ENTPD1: variants seen among roughly 807,000 people sequenced by gnomAD.
The protein encoded by ENTPD1 is ectonucleoside triphosphate diphosphohydrolase 1.
ENTPD1 carries 33 observed loss-of-function variants against 57.0 expected under a neutral mutation model. The observed-to-expected ratio is 0.58, with a 90% CI of 0.44 to 0.77. ENTPD1 has a LOEUF of 0.77. Ranked by LOEUF, ENTPD1 falls within the 30% of genes least tolerant of loss-of-function variation. ENTPD1 has a pLI of 0.00. For missense variants in ENTPD1, 501 were observed against 603.4 expected, an observed-to-expected ratio of 0.83 and a Z score of 1.78; for synonymous variants, 202 against 218.8, an observed-to-expected ratio of 0.92 and a Z score of 0.68.
intron 9 of ENTPD1, 90 bp downstream of exon 9, chr10:95,864,951 C>CCAAAGAA (rs1455756197): frequency 1.4e-6 from 2 of 1,464,194 alleles, no homozygotes; most frequent in African/African-American, 2.8e-5. Context: ...GGGGAGTCAG[C>CCAAAGAA]ATGGTGTAGC....
chr10:95,799,528 C>A (rs150562781), intron 1 of ENTPD1, among the ~76,000 whole-genome samples: 1,735 of 152,158 alleles, frequency 0.011, 19 homozygotes, highest in Non-Finnish European at 0.014. Flanking sequence ...ACCACATTTT[C>A]TTTATCTGGT....
intron 1 of ENTPD1, among the ~76,000 whole-genome samples, chr10:95,714,548 A>G (rs1469892661): frequency 1.3e-5 from 2 of 152,190 alleles, no homozygotes; most frequent in Non-Finnish European, 2.9e-5. Context: ...GTCTAGCAGT[A>G]AAGAAGCTAA....
intron 1 of ENTPD1, among the ~76,000 whole-genome samples, chr10:95,816,319 G>A (rs143143599): frequency 2.1e-4 from 32 of 152,246 alleles, no homozygotes; most frequent in Admixed American, 5.9e-4. Context: ...ATGTAACAGC[G>A]CAACATTTAC....
intron 7 of ENTPD1, among the ~76,000 whole-genome samples, chr10:95,851,686 T>A (rs1238807844): frequency 6.6e-6 from 1 of 151,640 alleles, no homozygotes; most frequent in Admixed American, 6.6e-5. Flanking sequence ...AGTGTTTGTT[T>A]TTTTGTCCCT....
chr10:95,712,840 C>G (rs2097967159), intron 1 of ENTPD1, among the ~76,000 whole-genome samples: 3 of 152,156 alleles, frequency 2.0e-5, no homozygotes, highest in Non-Finnish European at 4.4e-5. Context: ...CGAGACCATC[C>G]TGGCTAACAC....
Position 95,874,763 on chromosome 10 carries a change from C to T in ENTPD1, c.*8380C>T, listed in dbSNP as rs552179085. Among the ~76,000 whole-genome samples, 3 of 152,356 alleles carry T rather than the reference C, an allele frequency of 2.0e-5. No homozygotes were observed. Among genetic ancestry groups the T allele is most frequent in the African/African-American group, 7.2e-5 (3 of 41,586 alleles). On this transcript the variant is annotated 3_prime_UTR_variant, in exon 10 of 10. Transcript: ENST00000371205. ...ACATCCAGGTGTTTCCATATATATTCTGAAATCTAGGCAGAGGTTCCCAAA... is the reference window on the plus strand; with the variant it reads ...ACATCCAGGTGTTTCCATATATATTTTGAAATCTAGGCAGAGGTTCCCAAA...
intron 1 of ENTPD1, among the ~76,000 whole-genome samples, chr10:95,803,101 A>G (rs138116300): frequency 1.5e-3 from 228 of 152,286 alleles, no homozygotes; most frequent in African/African-American, 5.2e-3. Flanking sequence ...AAGAATCTCA[A>G]TGGTAGCTTA....
chr10:95,850,188 C>T (rs1304765984), intron 7 of ENTPD1, among the ~76,000 whole-genome samples: 1 of 152,156 alleles, frequency 6.6e-6, no homozygotes, highest in Non-Finnish European at 1.5e-5. Context: ...AGATTGTTCT[C>T]CCAGCCTTCT....
intron 1 of ENTPD1, among the ~76,000 whole-genome samples, chr10:95,795,716 G>T (rs1566157882): frequency 1.3e-5 from 2 of 152,120 alleles, no homozygotes. Flanking sequence ...CTAGTAAGAG[G>T]CAGGGTTGAG....
chr10:95,755,479 T>C (rs2098019967), upstream of ENTPD1: 2 of 570,182 alleles, frequency 3.5e-6, no homozygotes, highest in South Asian at 4.6e-5. Context: ...CTGGATGTGG[T>C]AATTCATGCT....
chr10:95,696,238 G>A, the ENTPD1 span, among the ~76,000 whole-genome samples: 1 of 151,870 alleles, frequency 6.6e-6, no homozygotes, highest in African/African-American at 2.4e-5. Flanking sequence ...AAGATTATTT[G>A]TATTGCTGTT....
rs186845904 is a variant in ENTPD1 at position 95,742,960 on chromosome 10, A to G, written c.37+30967A>G. Reference sequence around the variant, plus strand: ...AGTTCCCTGATTATTAACATCTTACATTAGTGTGGTACATTTGATACAATA... The same window carrying G: ...AGTTCCCTGATTATTAACATCTTACGTTAGTGTGGTACATTTGATACAATA... On this transcript the variant is annotated intron_variant, in intron 1 of 9. Coordinates refer to the ENTPD1 transcript ENST00000453258. 1.2e-3 allele frequency among the ~76,000 whole-genome samples: 181 copies of G among 152,358 alleles called. 1 individual carries two copies. The highest frequency in any genetic ancestry group is 1.8e-3 in the Non-Finnish European group (120 of 68,034).
chr10:95,865,254 T>C (rs576096748), intron 9 of ENTPD1, among the ~76,000 whole-genome samples: 1 of 152,308 alleles, frequency 6.6e-6, no homozygotes, highest in South Asian at 2.1e-4. Context: ...TCATCATCCT[T>C]GTTGGTTATT....
chr10:95,758,215 A>C (rs576363623), intron 1 of ENTPD1, among the ~76,000 whole-genome samples: 2 of 151,972 alleles, frequency 1.3e-5, no homozygotes, highest in African/African-American at 2.4e-5. Flanking sequence ...TTAAGGGCCT[A>C]TCTGGTACTC....
rs1394867064 is a variant in ENTPD1 at position 95,845,545 on chromosome 10, G to T, written c.762G>T (p.Leu254Phe). 1 of 1,614,174 alleles carries T rather than the reference G, an allele frequency of 6.2e-7. No homozygotes were observed. The change falls in exon 6 of 10, where the codon TTG (leucine) becomes TTT (phenylalanine). Residue 254 changes from leucine to phenylalanine, a missense_variant. Transcript: ENST00000371205. ...KDYNVYTHSF[L>F]CYGKDQALWQ... ...ACAATGTCTACACACATAGCTTCTTGTGCTATGGGAAGGATCAGGCACTCT... is the reference window on the plus strand; with the variant it reads ...ACAATGTCTACACACATAGCTTCTTTTGCTATGGGAAGGATCAGGCACTCT...
intron 2 of ENTPD1, among the ~76,000 whole-genome samples, chr10:95,834,583 G>C (rs1325337340): frequency 1.3e-5 from 2 of 152,204 alleles, no homozygotes; most frequent in Non-Finnish European, 2.9e-5. Context: ...CAGGCTGTCT[G>C]ATGCTCTAGT....
At position 95,791,494 on chromosome 10, in the gene ENTPD1, G is replaced by T. The variant is rs998610242; in HGVS notation, c.17-31743G>T. On this transcript the variant is annotated intron_variant, in intron 1 of 9. Transcript: ENST00000371205. The surrounding 1 kb of genome is among the most constrained non-coding windows in gnomAD (Gnocchi z 4.1). Reference sequence around the variant, plus strand: ...CTAATTTGCTTTGTAGCTTCGAGCTGGGATCAGAGAGTGGAAGTTAGAATG... The same window carrying T: ...CTAATTTGCTTTGTAGCTTCGAGCTTGGATCAGAGAGTGGAAGTTAGAATG... Among the ~76,000 whole-genome samples the T allele has an allele frequency of 5.3e-5, 8 of 152,292 alleles. No individual in the cohort carries two copies. The highest frequency in any genetic ancestry group is 3.3e-4 in the Admixed American group (5 of 15,292).
intron 1 of ENTPD1, among the ~76,000 whole-genome samples, chr10:95,797,424 T>C (rs1423690408): frequency 3.9e-5 from 6 of 152,178 alleles, no homozygotes; most frequent in Non-Finnish European, 5.9e-5. Context: ...TAGGAAGTTA[T>C]CCTCATAGAG....
the ENTPD1 span, among the ~76,000 whole-genome samples, chr10:95,700,210 A>G: frequency 2.0e-5 from 3 of 152,242 alleles, no homozygotes; most frequent in Admixed American, 6.5e-5. Context: ...TGGAAATTAA[A>G]ACTATTAACT....
Sources: gnomAD v4.1 joint callset for allele counts (sites outside exome capture counted in the v4.1 genomes callset) on GRCh38, gnomAD v4.1.1 for gene constraint, Gnocchi (gnomAD v3.1) non-coding constraint, MANE v1.5 for transcripts, NCBI Gene and HGNC (gene_info 2026-07-23, HGNC 2026-07-21) for gene names.